Variants in RBM19 observed in about 807,000 individuals in gnomAD.
RBM19 encodes probable RNA-binding protein 19.
Under a neutral mutation model 116.8 loss-of-function variants are expected in RBM19, and 94 were observed. That is an observed-to-expected ratio of 0.80 (90% CI 0.68 to 0.95). The LOEUF (loss-of-function observed/expected upper bound fraction) is 0.95. Among genes scored for constraint, RBM19 ranks in the 40% least tolerant of loss-of-function variants. The pLI, the probability that RBM19 is intolerant of heterozygous loss-of-function variation, is 0.00. For synonymous variants in RBM19, 475 were observed against 494.1 expected, an observed-to-expected ratio of 0.96 and a Z score of 0.51; for missense variants, 1,161 against 1,220.7, an observed-to-expected ratio of 0.95 and a Z score of 0.73.
chr12:113,901,704 G>A (rs1166299344), intron 21 of RBM19, among the ~76,000 whole-genome samples: 3 of 151,732 alleles, frequency 2.0e-5, no homozygotes, highest in African/African-American at 2.4e-5. Flanking sequence ...TGGTAGAGAC[G>A]GGGTTTCACC....
intron 13 of RBM19, among the ~76,000 whole-genome samples, chr12:113,942,898 AC>A (rs1279990366): frequency 6.6e-6 from 1 of 151,970 alleles, no homozygotes; most frequent in African/African-American, 2.4e-5. Flanking sequence ...GGCGTGAGCC[AC>A]TGTGCTTGGC....
intron 1 of RBM19, 80 bp from the exon 2 acceptor site, chr12:113,962,494 C>A: frequency 7.1e-7 from 1 of 1,401,420 alleles, no homozygotes; most frequent in Non-Finnish European, 9.9e-7. Context: ...AAACCTGAGG[C>A]CACGAGATTC....
intron 21 of RBM19, among the ~76,000 whole-genome samples, chr12:113,893,430 C>G (rs187604268): frequency 3.3e-5 from 5 of 152,282 alleles, no homozygotes; most frequent in Admixed American, 1.3e-4. Context: ...CGCGGCTGGC[C>G]TACTGTTTTG....
intron 2 of RBM19, among the ~76,000 whole-genome samples, 174 bp from the exon 3 acceptor site, chr12:113,960,352 A>G (rs1160970828): frequency 1.3e-5 from 2 of 152,230 alleles, no homozygotes; most frequent in African/African-American, 2.4e-5. Flanking sequence ...TCAAGTCTAG[A>G]ATACAATACT....
At chr12:113,932,885 G>A (rs1468164935) in intron 16 of RBM19, among the ~76,000 whole-genome samples, 1 of 152,138 alleles carries the variant, frequency 6.6e-6, no homozygotes, top group Non-Finnish European at 1.5e-5. Context: ...GGGAGAGGCA[G>A]GGGAACTGTG....
intron 22 of RBM19, among the ~76,000 whole-genome samples, chr12:113,852,812 G>A (rs908515037): frequency 6.6e-6 from 1 of 152,208 alleles, no homozygotes; most frequent in South Asian, 2.1e-4. Context: ...CAAAGAGGCC[G>A]CTTGATGTCA....
At chr12:113,909,650 G>A (rs1882303113) in intron 21 of RBM19, among the ~76,000 whole-genome samples, 1 of 152,170 alleles carries the variant, frequency 6.6e-6, no homozygotes, top group South Asian at 2.1e-4. Flanking sequence ...AGAGAAGACA[G>A]CGGAAGCTCA....
At chr12:113,826,035 T>C (rs1216855356) in intron 23 of RBM19, among the ~76,000 whole-genome samples, 1 of 152,182 alleles carries the variant, frequency 6.6e-6, no homozygotes, top group African/African-American at 2.4e-5. Context: ...CTCGGGCCCC[T>C]TGCTGGCTCC....
intron 8 of RBM19, among the ~76,000 whole-genome samples, chr12:113,951,171 C>G (rs185227459): frequency 6.4e-4 from 98 of 152,292 alleles, no homozygotes; most frequent in Non-Finnish European, 1.3e-3. Context: ...AGCTGAGACA[C>G]ACAATCTTTA....
At chr12:113,891,341 A>G (rs534123638) in intron 21 of RBM19, among the ~76,000 whole-genome samples, 6 of 152,276 alleles carry the variant, frequency 3.9e-5, no homozygotes, top group South Asian at 4.1e-4. Context: ...CATTAGCACA[A>G]CTTGTTTAGA....
chr12:113,837,331 C>T lies in RBM19; in HGVS notation c.2785+7337G>A, dbSNP rs117183650. ...CCAGGGCTCATCTCTGTGTCTTGGT[C>T]CTTTGCCCAGAGAGCATCCTCCCTT... On this transcript the variant is annotated intron_variant, in intron 23 of 23. Coordinates refer to ENST00000261741, the MANE Select transcript of RBM19 (RefSeq NM_016196.4). Among the ~76,000 whole-genome samples, 1,512 of 151,248 alleles carry T rather than the reference C, an allele frequency of 1.0e-2. 10 individuals are homozygous for T. The highest frequency in any genetic ancestry group is 0.017 in the Non-Finnish European group (1,155 of 67,606).
chr12:113,913,400 TCG>T (rs1359087251), intron 21 of RBM19, among the ~76,000 whole-genome samples: 1 of 152,076 alleles, frequency 6.6e-6, no homozygotes, highest in African/African-American at 2.4e-5. Context: ...TGACCCCATC[TCG>T]CCAGGCTATT....
At chr12:113,848,786 G>T (rs189366262) in intron 22 of RBM19, among the ~76,000 whole-genome samples, 29 of 152,156 alleles carry the variant, frequency 1.9e-4, no homozygotes, top group Non-Finnish European at 4.3e-4. Flanking sequence ...ATGCTCCTCT[G>T]CCAAAACAGC....
At chr12:113,840,610 G>A (rs1876379091) in intron 23 of RBM19, among the ~76,000 whole-genome samples, 1 of 152,234 alleles carries the variant, frequency 6.6e-6, no homozygotes, top group African/African-American at 2.4e-5. Flanking sequence ...GCCGACAGGT[G>A]GGATGGCCTG....
chr12:113,944,093 G>GTTTT lies in RBM19; in HGVS notation c.1627-1663_1627-1660dup, dbSNP rs71433305. 3.8e-4 allele frequency among the ~76,000 whole-genome samples: 26 copies of GTTTT among 67,658 alleles called. 1 individual carries two copies. Among genetic ancestry groups the GTTTT allele is most frequent in the African/African-American group, 1.1e-3 (18 of 15,872 alleles). 44.4% of individuals were successfully genotyped at this position (67,658 alleles called of 152,430 possible). On this transcript the variant is annotated intron_variant, in intron 13 of 23. Transcript: ENST00000261741. ...CAGCTGCCTCTAACTCCAGATGCAT[G>GTTTT]TTTTTTTTTTTTTTTTTTTTTTTTG...
intron 16 of RBM19, among the ~76,000 whole-genome samples, chr12:113,933,518 C>T (rs1367040368): frequency 4.0e-5 from 6 of 148,752 alleles, no homozygotes; most frequent in East Asian, 4.0e-4. Flanking sequence ...CACAACTTCC[C>T]GGGCCAAAGG....
At chr12:113,958,316 C>G (rs962174121) in intron 5 of RBM19, among the ~76,000 whole-genome samples, 4 of 152,208 alleles carry the variant, frequency 2.6e-5, no homozygotes, top group Admixed American at 1.3e-4. Context: ...CTCTACACGG[C>G]AGCCTCTGTG....
intron 23 of RBM19, among the ~76,000 whole-genome samples, chr12:113,834,309 A>C (rs557399540): frequency 6.6e-6 from 1 of 152,316 alleles, no homozygotes; most frequent in South Asian, 2.1e-4. Context: ...GGGAAGCTGG[A>C]GATCTAAGCA....
At chr12:113,819,202 G>A (rs117113983), downstream of RBM19, among the ~76,000 whole-genome samples, 1,320 of 152,232 alleles carry the variant, frequency 8.7e-3, 12 homozygotes, top group Non-Finnish European at 0.013. Flanking sequence ...GCCTGTCCCC[G>A]TTCCTCCCAG....
Sources: gnomAD v4.1 joint callset for allele counts (sites outside exome capture counted in the v4.1 genomes callset) on GRCh38, gnomAD v4.1.1 for gene constraint, MANE v1.5 for transcripts, NCBI Gene and HGNC (gene_info 2026-07-23, HGNC 2026-07-21) for gene names.